XKR9: variants seen among roughly 807,000 people sequenced by gnomAD.
XKR9 encodes the protein XK-related protein 9.
A neutral mutation model predicts 32.0 loss-of-function variants in XKR9; 32 were observed. The observed-to-expected ratio is 1.00, with a 90% CI of 0.76 to 1.34. The LOEUF (loss-of-function observed/expected upper bound fraction) is 1.34. Ranked by LOEUF, XKR9 falls within the 40% of genes most tolerant of loss-of-function variation. XKR9 has a pLI of 0.00. For synonymous variants in XKR9, 168 were observed against 143.4 expected (o/e 1.17, Z -1.22); for missense variants, 546 against 429.7 (o/e 1.27, Z -2.39).
At chr8:70,750,085 ATAT>A (rs1327631943) in intron 2 of XKR9, among the ~76,000 whole-genome samples, 3 of 152,248 alleles carry the variant, frequency 2.0e-5, no homozygotes, top group South Asian at 2.1e-4. Context: ...TTATTGATAA[ATAT>A]TATTTCTCTT....
At chr8:70,935,312 A>G in the XKR9 span, among the ~76,000 whole-genome samples, 1 of 151,752 alleles carries the variant, frequency 6.6e-6, no homozygotes, top group Non-Finnish European at 1.5e-5. Flanking sequence ...AAAATGTACT[A>G]TGCACACTTT....
chr8:70,711,577 A>G (rs1050531600), intron 4 of XKR9, among the ~76,000 whole-genome samples: 1 of 152,194 alleles, frequency 6.6e-6, no homozygotes, highest in Non-Finnish European at 1.5e-5. Context: ...CTAAACATTG[A>G]GTACACATAA....
intron 4 of XKR9, among the ~76,000 whole-genome samples, chr8:70,711,153 G>A (rs188228044): frequency 1.3e-5 from 2 of 152,250 alleles, no homozygotes; most frequent in African/African-American, 4.8e-5. Flanking sequence ...AGAGAAAGGG[G>A]GACTGTTATA....
chr8:70,799,394 G>A, the XKR9 span, among the ~76,000 whole-genome samples: 1 of 152,102 alleles, frequency 6.6e-6, no homozygotes, highest in Non-Finnish European at 1.5e-5. Context: ...GCTGCGGTGC[G>A]ATCACGGATC....
At chr8:70,748,375 G>T (rs1807087467) in intron 2 of XKR9, among the ~76,000 whole-genome samples, 1 of 152,254 alleles carries the variant, frequency 6.6e-6, no homozygotes, top group Admixed American at 6.5e-5. Flanking sequence ...GTCTGCTCCT[G>T]CTTTCTAGTC....
At chr8:71,049,649 CAGA>C in the XKR9 span, among the ~76,000 whole-genome samples, 3 of 152,140 alleles carry the variant, frequency 2.0e-5, no homozygotes, top group Non-Finnish European at 4.4e-5. Context: ...GAATGGAAGT[CAGA>C]AGGAGGCTCT....
chr8:70,748,429 AG>A (rs1807088362), intron 2 of XKR9, among the ~76,000 whole-genome samples: 1 of 152,208 alleles, frequency 6.6e-6, no homozygotes, highest in South Asian at 2.1e-4. Flanking sequence ...GCAAAGTTGT[AG>A]CCAAGCCTGG....
the XKR9 span, among the ~76,000 whole-genome samples, chr8:70,930,559 T>C: frequency 6.6e-6 from 1 of 152,218 alleles, no homozygotes. Context: ...TGTTAATGGA[T>C]GCATTATGTT....
chr8:70,811,112 A>T, the XKR9 span, among the ~76,000 whole-genome samples: 1 of 152,224 alleles, frequency 6.6e-6, no homozygotes, highest in Non-Finnish European at 1.5e-5. Context: ...AGTGCAATCA[A>T]ACTAGAACTC....
the XKR9 span, among the ~76,000 whole-genome samples, chr8:71,002,674 T>A: frequency 3.9e-5 from 6 of 152,052 alleles, no homozygotes; most frequent in South Asian, 1.0e-3. Flanking sequence ...CCACTACAAG[T>A]CCTAGTGAAA....
the XKR9 span, among the ~76,000 whole-genome samples, chr8:71,024,869 C>G: frequency 6.6e-6 from 1 of 152,100 alleles, no homozygotes; most frequent in African/African-American, 2.4e-5. Flanking sequence ...CTTGGTTGTT[C>G]TATTTGAAGT....
chr8:70,807,538 A>G, the XKR9 span, among the ~76,000 whole-genome samples: 1 of 152,174 alleles, frequency 6.6e-6, no homozygotes. Flanking sequence ...GCAAAGACAC[A>G]CAGGGGCTCA....
the XKR9 span, among the ~76,000 whole-genome samples, chr8:70,931,868 A>G: frequency 1.3e-5 from 2 of 152,232 alleles, no homozygotes; most frequent in Non-Finnish European, 2.9e-5. Flanking sequence ...GCCATTAATG[A>G]GAGATCCAGA....
At chr8:70,723,402 T>G (rs1205779904) in intron 4 of XKR9, among the ~76,000 whole-genome samples, 3 of 152,244 alleles carry the variant, frequency 2.0e-5, no homozygotes, top group Admixed American at 2.0e-4. Context: ...TTTTGGAATT[T>G]TCAGCATTTT....
At chr8:70,927,504 G>T in the XKR9 span, among the ~76,000 whole-genome samples, 87 of 152,314 alleles carry the variant, frequency 5.7e-4, no homozygotes, top group Middle Eastern at 6.8e-3. Context: ...TGCACCAGCA[G>T]ATTCCGTGTC....
the XKR9 span, among the ~76,000 whole-genome samples, chr8:70,853,968 A>T: frequency 5.3e-5 from 8 of 152,334 alleles, no homozygotes; most frequent in Admixed American, 1.3e-4. Context: ...TGCTATTGTG[A>T]ATAGTGCCAC....
At chr8:70,696,862 G>C (rs1234324218) in intron 3 of XKR9, among the ~76,000 whole-genome samples, 1 of 150,246 alleles carries the variant, frequency 6.7e-6, no homozygotes, top group Non-Finnish European at 1.5e-5. Flanking sequence ...ATTTCATTGA[G>C]CAGTGGTTTG....
the XKR9 span, among the ~76,000 whole-genome samples, chr8:70,984,457 G>A: frequency 1.3e-5 from 2 of 152,118 alleles, no homozygotes; most frequent in African/African-American, 2.4e-5. Flanking sequence ...TTTCCTTGCT[G>A]GATGTCCCAA....
chr8:70,892,878 C>A, the XKR9 span, among the ~76,000 whole-genome samples: 1 of 152,116 alleles, frequency 6.6e-6, no homozygotes, highest in African/African-American at 2.4e-5. Flanking sequence ...ATGCCCATAT[C>A]TTTCCCGAGA....
Sources: allele counts gnomAD v4.1 joint callset (sites outside exome capture counted in the v4.1 genomes callset), GRCh38; gene constraint gnomAD v4.1.1; transcripts MANE v1.5; gene names NCBI Gene and HGNC (gene_info 2026-07-23, HGNC 2026-07-21).